SHISA6: variants seen among roughly 807,000 people sequenced by gnomAD.
SHISA6 encodes the protein protein shisa-6.
A neutral mutation model predicts 47.9 loss-of-function variants in SHISA6; 22 were observed. The ratio of observed to expected loss-of-function variants is 0.46; its 90% CI spans 0.33 to 0.66. The LOEUF (loss-of-function observed/expected upper bound fraction) is 0.66. SHISA6 is among the 30% of genes least tolerant of loss of function. The probability of loss-of-function intolerance (pLI) is 0.02; values close to 1 mark genes in which losing one functional copy is unlikely to be tolerated. For synonymous variants in SHISA6, 388 were observed against 337.8 expected, an observed-to-expected ratio of 1.15 and a Z score of -1.63; for missense variants, 680 against 764.6, an observed-to-expected ratio of 0.89 and a Z score of 1.30.
At chr17:11,525,259 C>T (rs1387750208) in intron 3 of SHISA6, among the ~76,000 whole-genome samples, 1 of 152,082 alleles carries the variant, frequency 6.6e-6, no homozygotes, top group Non-Finnish European at 1.5e-5. Context: ...ATCATGCCCA[C>T]AAGAAGAACA....
At chr17:11,488,816 A>C (rs1916409765) in intron 3 of SHISA6, among the ~76,000 whole-genome samples, 1 of 152,210 alleles carries the variant, frequency 6.6e-6, no homozygotes, top group Admixed American at 6.5e-5. Context: ...CTGTTGCTGC[A>C]ACCTAGAGGA....
rs1908314414 is a variant in SHISA6 at position 11,263,474 on chromosome 17, A to G, written c.747A>G (p.Arg249=). Residue 249 remains arginine (R), a synonymous_variant, in exon 2 of 6, where the codon AGA becomes AGG. Transcript: ENST00000441885. ...CTCCCAAAGAGAACACGCCGGTCAG[A>G]TCGTCCTCCAAAAACCACTACACTC... is the stretch of plus-strand genomic sequence containing the variant. ...DTSPKENTPV[R]SSSKNHYTPV... The G allele has an allele frequency of 1.3e-6, 2 of 1,551,642 alleles. No individual in the cohort carries two copies. Among genetic ancestry groups the G allele is most frequent in the Admixed American group, 2.0e-5 (1 of 50,980 alleles).
intron 3 of SHISA6, among the ~76,000 whole-genome samples, chr17:11,538,511 G>A (rs575847794): frequency 6.6e-6 from 1 of 152,158 alleles, no homozygotes; most frequent in African/African-American, 2.4e-5. Flanking sequence ...TGAGTCCCTG[G>A]CATGTTGAGT....
chr17:11,388,690 C>T (rs1307443201), intron 3 of SHISA6, among the ~76,000 whole-genome samples: 1 of 150,006 alleles, frequency 6.7e-6, no homozygotes, highest in African/African-American at 2.5e-5. Context: ...AACCTCACAC[C>T]ATAGCTACTT....
intron 2 of SHISA6, among the ~76,000 whole-genome samples, chr17:11,267,789 G>C (rs1449415773): frequency 6.6e-6 from 1 of 152,190 alleles, no homozygotes; most frequent in African/African-American, 2.4e-5. Context: ...GGGAGTGGAA[G>C]ACTCAGGCTT....
chr17:11,249,056 T>G (rs1567698870), intron 1 of SHISA6, among the ~76,000 whole-genome samples: 1 of 146,574 alleles, frequency 6.8e-6, no homozygotes, highest in Non-Finnish European at 1.5e-5. Flanking sequence ...GAGAATGGCG[T>G]GAACCTGGGA....
chr17:11,344,142 A>G (rs1461166846), intron 2 of SHISA6, among the ~76,000 whole-genome samples: 1 of 152,182 alleles, frequency 6.6e-6, no homozygotes, highest in African/African-American at 2.4e-5. Context: ...AGAAACGTCT[A>G]TTTAAATCTT....
At position 11,283,839 on chromosome 17, in the gene SHISA6, T is replaced by G. The variant is rs116289927; in HGVS notation, c.799+20313T>G. Among the ~76,000 whole-genome samples the G allele has an allele frequency of 7.7e-3, 1,172 of 152,298 alleles. 19 individuals are homozygous for G. Among genetic ancestry groups the G allele is most frequent in the African/African-American group, 0.026 (1,076 of 41,558 alleles). On this transcript the variant is annotated intron_variant, in intron 2 of 5. Coordinates refer to ENST00000441885, the MANE Select transcript of SHISA6 (RefSeq NM_207386.4). ...GCTGTGGAGAAACTTATCTCTTATA[T>G]TGCTTCTATTGCTATTAAGGAGGCA...
At chr17:11,460,186 A>G (rs1915657455) in intron 3 of SHISA6, among the ~76,000 whole-genome samples, 1 of 152,222 alleles carries the variant, frequency 6.6e-6, no homozygotes, top group African/African-American at 2.4e-5. Context: ...GGCCGGAACA[A>G]GGAAAGAAGG....
intron 3 of SHISA6, among the ~76,000 whole-genome samples, chr17:11,521,330 A>G (rs528212890): frequency 2.0e-5 from 3 of 152,326 alleles, no homozygotes; most frequent in Non-Finnish European, 2.9e-5. Context: ...TAAATTCCCA[A>G]TATCAATTCA....
chr17:11,532,739 C>CTTTT (rs71142217), intron 3 of SHISA6, among the ~76,000 whole-genome samples: 1,317 of 71,052 alleles, frequency 0.019, 1 homozygote, highest in Non-Finnish European at 0.02. Context: ...TCTATCAGGG[C>CTTTT]TTTTTTTTTT....
chr17:11,549,688 A>G (rs1210734246), intron 3 of SHISA6, among the ~76,000 whole-genome samples: 2 of 152,182 alleles, frequency 1.3e-5, no homozygotes, highest in African/African-American at 2.4e-5. Flanking sequence ...ATGGAAGTCT[A>G]GAAGTGTTTC....
intron 2 of SHISA6, among the ~76,000 whole-genome samples, chr17:11,363,518 G>A (rs572099972): frequency 3.9e-4 from 59 of 152,178 alleles, no homozygotes; most frequent in Middle Eastern, 3.4e-3. Flanking sequence ...CAGTTCTGGC[G>A]GTCTCTGGAT....
rs538291251 is a variant in SHISA6 at position 11,558,238 on chromosome 17, G to A, written c.1590G>A (p.Glu530=). 1.9e-6 allele frequency: 3 copies of A among 1,540,630 alleles called. No individual in the cohort carries two copies. Among genetic ancestry groups the A allele is most frequent in the South Asian group, 1.2e-5 (1 of 84,064 alleles). The change falls in exon 6 of 6, where the codon GAG becomes GAA. Residue 530 remains glutamate (E), a synonymous_variant. Coordinates refer to ENST00000441885, the MANE Select transcript of SHISA6 (RefSeq NM_207386.4). The part of the protein sequence containing the change: ...AFASRRHNTV[E]QLHYIPGHHT... ...CCTCACGCAGACACAACACGGTGGAGCAGCTGCACTACATCCCGGGCCACC... is the reference window on the plus strand; with the variant it reads ...CCTCACGCAGACACAACACGGTGGAACAGCTGCACTACATCCCGGGCCACC...
At chr17:11,449,436 C>T (rs1354131871) in intron 3 of SHISA6, among the ~76,000 whole-genome samples, 4 of 151,464 alleles carry the variant, frequency 2.6e-5, no homozygotes, top group East Asian at 1.9e-4. Flanking sequence ...GAGCGAGACT[C>T]CATCTCTATT....
chr17:11,394,559 A>T (rs1913500775), intron 3 of SHISA6, among the ~76,000 whole-genome samples: 1 of 151,108 alleles, frequency 6.6e-6, no homozygotes, highest in African/African-American at 2.4e-5. Flanking sequence ...CTTGTAGATC[A>T]TTTGATATCT....
At chr17:11,309,124 T>G (rs887740285) in intron 2 of SHISA6, among the ~76,000 whole-genome samples, 2 of 151,990 alleles carry the variant, frequency 1.3e-5, no homozygotes, top group Non-Finnish European at 2.9e-5. Flanking sequence ...GCCACCATGC[T>G]TAGCCAATTT....
chr17:11,276,085 C>G (rs1170289012), intron 2 of SHISA6, among the ~76,000 whole-genome samples: 5 of 152,004 alleles, frequency 3.3e-5, no homozygotes, highest in Admixed American at 3.3e-4. Context: ...TCAAGCAATT[C>G]TCCTGCCTAA....
chr17:11,295,403 G>T (rs1456363434), intron 2 of SHISA6, among the ~76,000 whole-genome samples: 2 of 152,138 alleles, frequency 1.3e-5, no homozygotes, highest in African/African-American at 4.8e-5. Flanking sequence ...CCTGCTCTTG[G>T]CAACTTACAG....
Sources: gnomAD v4.1 joint callset for allele counts (sites outside exome capture counted in the v4.1 genomes callset) on GRCh38, gnomAD v4.1.1 for gene constraint, MANE v1.5 for transcripts, NCBI Gene and HGNC (gene_info 2026-07-23, HGNC 2026-07-21) for gene names.